MYRIP: variants seen among roughly 807,000 people sequenced by gnomAD.
MYRIP encodes rab effector MyRIP.
A neutral mutation model predicts 98.0 loss-of-function variants in MYRIP; 49 were observed. That is an observed-to-expected ratio of 0.50 (90% confidence interval 0.40 to 0.63). The LOEUF is 0.63. MYRIP is among the 30% of genes least tolerant of loss of function. The pLI, the probability that MYRIP is intolerant of heterozygous loss-of-function variation, is 0.00. For missense variants in MYRIP, 1,004 were observed against 1,058.2 expected (o/e 0.95, Z 0.71); for synonymous variants, 404 against 409.5 (o/e 0.99, Z 0.16).
At chr3:39,891,043 G>A (rs1426944557) in intron 1 of MYRIP, among the ~76,000 whole-genome samples, 1 of 152,012 alleles carries the variant, frequency 6.6e-6, no homozygotes, top group Non-Finnish European at 1.5e-5. Flanking sequence ...TTTGGTCTCT[G>A]TCATTTTTTA....
chr3:39,995,995 C>A (rs1213844649), intron 2 of MYRIP, among the ~76,000 whole-genome samples: 3 of 152,252 alleles, frequency 2.0e-5, no homozygotes, highest in Middle Eastern at 3.4e-3. Flanking sequence ...GAGATTCTGT[C>A]ACCACCAGGC....
intron 2 of MYRIP, among the ~76,000 whole-genome samples, chr3:39,984,416 C>G (rs939816794): frequency 6.6e-6 from 1 of 151,992 alleles, no homozygotes; most frequent in Admixed American, 6.6e-5. Flanking sequence ...GTGATGTTCC[C>G]CTTCCTGTGT....
intron 10 of MYRIP, among the ~76,000 whole-genome samples, chr3:40,203,161 A>G (rs997110017): frequency 2.0e-5 from 3 of 151,618 alleles, no homozygotes; most frequent in Non-Finnish European, 2.9e-5. Flanking sequence ...TGATCTCTTG[A>G]CCTCATAATC....
At chr3:40,049,110 C>G (rs1947732800) in intron 3 of MYRIP, among the ~76,000 whole-genome samples, 1 of 152,166 alleles carries the variant, frequency 6.6e-6, no homozygotes, top group East Asian at 1.9e-4. Flanking sequence ...TCCTTGGAAA[C>G]AAATTAGCTT....
intron 3 of MYRIP, among the ~76,000 whole-genome samples, chr3:40,137,567 C>G (rs921655919): frequency 3.9e-5 from 6 of 152,206 alleles, no homozygotes; most frequent in African/African-American, 1.4e-4. Flanking sequence ...CAAAGCCTGG[C>G]ACAGACACAA....
chr3:40,017,696 T>C (rs1021090655), intron 2 of MYRIP, among the ~76,000 whole-genome samples: 34 of 138,618 alleles, frequency 2.5e-4, no homozygotes, highest in Admixed American at 7.6e-4. Context: ...TTTACTTCTT[T>C]TTTTTTTTTT....
intron 2 of MYRIP, among the ~76,000 whole-genome samples, chr3:39,929,896 T>G (rs1363749742): frequency 6.6e-6 from 1 of 152,050 alleles, no homozygotes; most frequent in African/African-American, 2.4e-5. Flanking sequence ...ATGTTAAGCG[T>G]GTATCAGTAT....
intron 2 of MYRIP, among the ~76,000 whole-genome samples, chr3:39,937,056 A>C (rs981447881): frequency 3.9e-5 from 6 of 152,132 alleles, no homozygotes; most frequent in African/African-American, 1.4e-4. Context: ...CCATGCCCAG[A>C]TCTGCCTACC....
intron 3 of MYRIP, chr3:40,071,078 A>G: frequency 2.1e-6 from 2 of 941,270 alleles, no homozygotes; most frequent in Non-Finnish European, 2.5e-6. Flanking sequence ...TGACATAAGA[A>G]TCTGTGGTAG....
At chr3:39,938,301 A>T (rs1255397701) in intron 2 of MYRIP, among the ~76,000 whole-genome samples, 1 of 152,158 alleles carries the variant, frequency 6.6e-6, no homozygotes, top group Admixed American at 6.5e-5. Flanking sequence ...TCATGTTCAA[A>T]AGAGTCACCT....
chr3:40,140,398 G>T (rs1370895318), intron 3 of MYRIP, among the ~76,000 whole-genome samples: 1 of 152,176 alleles, frequency 6.6e-6, no homozygotes, highest in Non-Finnish European at 1.5e-5. Context: ...TATCTTGGCT[G>T]CTGTGAATAC....
intron 2 of MYRIP, among the ~76,000 whole-genome samples, chr3:39,924,234 G>T (rs1180347478): frequency 3.3e-5 from 5 of 151,934 alleles, no homozygotes; most frequent in African/African-American, 1.2e-4. Context: ...CTATTTACAA[G>T]AAATTCACCT....
At chr3:39,994,295 A>G (rs1321312488) in intron 2 of MYRIP, among the ~76,000 whole-genome samples, 1 of 152,234 alleles carries the variant, frequency 6.6e-6, no homozygotes, top group Non-Finnish European at 1.5e-5. Context: ...CTAGTCAAAG[A>G]AAGGGGTGAC....
intron 2 of MYRIP, among the ~76,000 whole-genome samples, chr3:40,018,377 T>G: frequency 6.6e-6 from 1 of 152,354 alleles, no homozygotes; most frequent in South Asian, 2.1e-4. Context: ...TCCAGTCTGC[T>G]TTCCTGTCTC....
At chr3:40,066,043 C>T (rs143717024) in intron 3 of MYRIP, among the ~76,000 whole-genome samples, 162 of 152,224 alleles carry the variant, frequency 1.1e-3, no homozygotes, top group Middle Eastern at 0.01. Context: ...CTTGCTGTGA[C>T]GAAGAAGGAC....
chr3:39,978,971 A>G (rs1945819344), intron 2 of MYRIP, among the ~76,000 whole-genome samples: 1 of 152,162 alleles, frequency 6.6e-6, no homozygotes. Flanking sequence ...ATATAACGTA[A>G]GAGGAAATTG....
chr3:39,817,953 C>G (rs1488716622), intron 1 of MYRIP, among the ~76,000 whole-genome samples: 1 of 151,992 alleles, frequency 6.6e-6, no homozygotes, highest in Non-Finnish European at 1.5e-5. Context: ...TAATATGGAC[C>G]ATATGAATAT....
chr3:40,046,148 G>A (rs544965644), intron 3 of MYRIP, among the ~76,000 whole-genome samples: 2 of 152,098 alleles, frequency 1.3e-5, no homozygotes, highest in Admixed American at 1.3e-4. Flanking sequence ...TGGAGGTGAA[G>A]AATTGAGCCA....
intron 10 of MYRIP, chr3:40,209,296 CCT>C (rs1191303608): frequency 6.6e-6 from 1 of 152,484 alleles, no homozygotes; most frequent in Non-Finnish European, 1.5e-5. Flanking sequence ...ACAATGAGAC[CCT>C]GTCTCTAAAA....
Sources: gnomAD v4.1 joint callset for allele counts (sites outside exome capture counted in the v4.1 genomes callset) on GRCh38, gnomAD v4.1.1 for gene constraint, MANE v1.5 for transcripts, NCBI Gene and HGNC (gene_info 2026-07-23, HGNC 2026-07-21) for gene names.